Variants in AOPEP observed in about 807,000 individuals in gnomAD.
AOPEP encodes the protein aminopeptidase O (putative).
A neutral mutation model predicts 98.1 loss-of-function variants in AOPEP; 77 were observed. That is an observed-to-expected ratio of 0.78 (90% CI 0.65 to 0.95). The LOEUF is 0.95. Ranked by LOEUF, AOPEP falls within the 40% of genes least tolerant of loss-of-function variation. The probability of loss-of-function intolerance (pLI) is 0.00; values close to 1 mark genes in which losing one functional copy is unlikely to be tolerated. For missense variants in AOPEP, 1,024 were observed against 1,024.7 expected, an observed-to-expected ratio of 1.00 and a Z score of 0.01; for synonymous variants, 346 against 365.3, an observed-to-expected ratio of 0.95 and a Z score of 0.60.
chr9:95,044,683 C>T (rs10761371), intron 13 of AOPEP, among the ~76,000 whole-genome samples: 146,562 of 152,210 alleles, frequency 0.96, 70,597 homozygotes, highest in Middle Eastern at 0.99. Flanking sequence ...GAGGAGTGGA[C>T]TGGGACTGGA....
At chr9:94,944,451 A>C (rs2057393040) in intron 7 of AOPEP, among the ~76,000 whole-genome samples, 1 of 152,256 alleles carries the variant, frequency 6.6e-6, no homozygotes, top group Non-Finnish European at 1.5e-5. Context: ...TGAACCTTGA[A>C]AACATTATGC....
the AOPEP span, among the ~76,000 whole-genome samples, chr9:95,093,837 G>T: frequency 6.6e-6 from 1 of 152,142 alleles, no homozygotes; most frequent in South Asian, 2.1e-4. Context: ...CACCTTCTGG[G>T]GGCTTCGTTC....
At chr9:95,096,033 C>CT in the AOPEP span, among the ~76,000 whole-genome samples, 1 of 152,302 alleles carries the variant, frequency 6.6e-6, no homozygotes, top group Non-Finnish European at 1.5e-5. Context: ...CCCAGAGTGG[C>CT]TGCAGCCTCC....
chr9:94,781,774 A>G (rs912116650), intron 3 of AOPEP, among the ~76,000 whole-genome samples: 29 of 151,066 alleles, frequency 1.9e-4, no homozygotes, highest in African/African-American at 6.1e-4. Context: ...GTTAGCCAGG[A>G]TGGTCTCTAT....
In AOPEP at chr9:94,760,479, A is replaced by G. The variant is rs375600932; in HGVS notation, c.696A>G (p.Thr232=). 2.5e-4 allele frequency: 410 copies of G among 1,612,966 alleles called. 1 individual carries two copies. Among genetic ancestry groups the G allele is most frequent in the Non-Finnish European group, 3.2e-4 (374 of 1,179,566 alleles). ...CTTGGAGCTTGCAGATAAGGAAGAC[A>G]GGGGCTCAGACAGCTACTGACTTTC... ...TDTWSLQIRK[T]GAQTATDFPH... Residue 232 remains threonine (T), a synonymous_variant, in exon 2 of 17, where the codon ACA becomes ACG. Transcript: ENST00000375315.
intron 5 of AOPEP, among the ~76,000 whole-genome samples, chr9:94,860,403 G>C (rs925390871): frequency 1.7e-4 from 26 of 152,232 alleles, no homozygotes; most frequent in African/African-American, 6.3e-4. Context: ...GCAAGGGTGG[G>C]GACGGGGTGG....
the AOPEP span, chr9:95,101,486 G>C: frequency 4.9e-6 from 3 of 606,168 alleles, no homozygotes; most frequent in South Asian, 3.9e-5. Flanking sequence ...AGGCTCACTT[G>C]AGTCATTAGT....
At chr9:94,956,074 A>T in intron 9 of AOPEP, 59 bp downstream of exon 9, 1 of 972,232 alleles carries the variant, frequency 1.0e-6, no homozygotes, top group South Asian at 1.5e-5. Flanking sequence ...TGGCACATGA[A>T]GATTAGATTA....
intron 5 of AOPEP, among the ~76,000 whole-genome samples, chr9:94,832,378 C>T (rs1856169240): frequency 1.3e-5 from 2 of 152,136 alleles, no homozygotes; most frequent in African/African-American, 4.8e-5. Context: ...TCATTTCTTA[C>T]CTATGAGGTT....
At chr9:94,913,432 G>C (rs1455088294) in intron 5 of AOPEP, among the ~76,000 whole-genome samples, 1 of 152,200 alleles carries the variant, frequency 6.6e-6, no homozygotes, top group Non-Finnish European at 1.5e-5. Context: ...TGGGAAATAA[G>C]AAGGATATTG....
Position 95,061,437 on chromosome 9 carries a change from C to G in AOPEP, c.2232+627C>G, listed in dbSNP as rs148694328. On this transcript the variant is annotated intron_variant, in intron 14 of 16. Coordinates refer to ENST00000375315, the MANE Select transcript of AOPEP (RefSeq NM_001193329.3). ...AGAAAACCTCTTTTATATAAGACTC[C>G]CAAAATGCAGAAAGTAAGTTTGGTT... Among the ~76,000 whole-genome samples, 418 of 152,200 alleles carry G rather than the reference C, an allele frequency of 2.7e-3. 2 individuals carry two copies. Among genetic ancestry groups the G allele is most frequent in the African/African-American group, 9.6e-3 (399 of 41,510 alleles).
At chr9:95,111,861 A>G in the AOPEP span, among the ~76,000 whole-genome samples, 5 of 152,200 alleles carry the variant, frequency 3.3e-5, no homozygotes, top group Non-Finnish European at 7.3e-5. Flanking sequence ...GTGAGGCCTG[A>G]GGCCTTTGGA....
chr9:94,928,315 G>A lies in AOPEP; in HGVS notation c.1555-110G>A, dbSNP rs2054698999. ...GGTTTCTGATGGAAGCAAGGTGAGA[G>A]CAGGGGCAGGCTATCTTGTCCCCCA... On this transcript the variant is annotated intron_variant, in intron 6 of 16. Coordinates refer to ENST00000375315, the MANE Select transcript of AOPEP (RefSeq NM_001193329.3). The A allele has an allele frequency of 6.6e-6, 5 of 757,338 alleles. No homozygotes were observed. The Admixed American group carries it at 7.4e-5, about 11-fold the overall frequency. The allele number at this position is 757,338 out of a possible 1,614,324, so 46.9% of individuals were successfully genotyped here.
intron 7 of AOPEP, chr9:94,928,878 G>A: frequency 4.9e-6 from 1 of 202,560 alleles, no homozygotes; most frequent in Non-Finnish European, 9.9e-6. Context: ...AAAGCCAAAG[G>A]GGAAAAAAAT....
chr9:94,947,439 C>T (rs1026981733), intron 7 of AOPEP, among the ~76,000 whole-genome samples: 1 of 152,156 alleles, frequency 6.6e-6, no homozygotes, highest in Non-Finnish European at 1.5e-5. Context: ...TACCACATCT[C>T]GCTTTGTTGC....
intron 7 of AOPEP, chr9:94,935,402 A>G (rs1471760367): frequency 6.6e-6 from 1 of 152,312 alleles, no homozygotes; most frequent in Non-Finnish European, 1.5e-5. Flanking sequence ...ACAGACTAAT[A>G]TATGTTCCCA....
intron 5 of AOPEP, among the ~76,000 whole-genome samples, chr9:94,847,109 A>G (rs1167430034): frequency 2.6e-5 from 3 of 116,202 alleles, no homozygotes; most frequent in Non-Finnish European, 3.9e-5. Flanking sequence ...AGGTTGGTAG[A>G]TTTGGTGGTT....
At chr9:94,909,330 T>G (rs991609409) in intron 5 of AOPEP, among the ~76,000 whole-genome samples, 2 of 106,344 alleles carry the variant, frequency 1.9e-5, no homozygotes, top group Non-Finnish European at 1.8e-5. Flanking sequence ...AACCCAAAGG[T>G]GAATTTTTGG....
rs147288039 is a variant in AOPEP at position 95,006,476 on chromosome 9, A to G, written c.2115+860A>G. On this transcript the variant is annotated intron_variant, in intron 13 of 16. Transcript: ENST00000375315. Reference sequence around the variant, plus strand: ...AATTTCTGTGCTATGTTGCCTTAGTATGGGCATTGCAGCGTCCGAGAATGT... The same window carrying G: ...AATTTCTGTGCTATGTTGCCTTAGTGTGGGCATTGCAGCGTCCGAGAATGT... 7.9e-5 allele frequency among the ~76,000 whole-genome samples: 12 copies of G among 152,300 alleles called. No homozygotes were observed. The East Asian group carries it at 2.3e-3, about 29-fold the overall frequency.
Sources: allele counts gnomAD v4.1 joint callset (sites outside exome capture counted in the v4.1 genomes callset), GRCh38; gene constraint gnomAD v4.1.1; transcripts MANE v1.5; gene names NCBI Gene and HGNC (gene_info 2026-07-23, HGNC 2026-07-21).